ARRB1: variants seen among roughly 807,000 people sequenced by gnomAD.
ARRB1 encodes beta-arrestin-1.
ARRB1 carries 21 observed loss-of-function variants against 56.8 expected under a neutral mutation model. That is an observed-to-expected ratio of 0.37 (90% CI 0.26 to 0.53). ARRB1 has a LOEUF of 0.53. Among genes scored for constraint, ARRB1 ranks in the 20% least tolerant of loss-of-function variants. The probability of loss-of-function intolerance (pLI) is 0.88; values close to 1 mark genes in which losing one functional copy is unlikely to be tolerated. For synonymous variants in ARRB1, 210 were observed against 218.6 expected (o/e 0.96, Z 0.35); for missense variants, 424 against 553.7 (o/e 0.77, Z 2.35).
chr11:75,308,493 C>T (rs1947081238), intron 1 of ARRB1, among the ~76,000 whole-genome samples: 2 of 152,216 alleles, frequency 1.3e-5, no homozygotes. Flanking sequence ...CGCCTATAAT[C>T]CCAGCACTTT....
chr11:75,283,689 G>A (rs1011410833), intron 4 of ARRB1, among the ~76,000 whole-genome samples: 1 of 152,306 alleles, frequency 6.6e-6, no homozygotes, highest in East Asian at 1.9e-4. Flanking sequence ...AGGAGGAGGG[G>A]GCTGCCTGCT....
At chr11:75,350,678 G>A (rs1331436683) in intron 1 of ARRB1, among the ~76,000 whole-genome samples, 3 of 152,212 alleles carry the variant, frequency 2.0e-5, no homozygotes, top group Admixed American at 1.3e-4. Context: ...CCAGCCCTAG[G>A]TTCAAAACAG....
Position 75,277,436 on chromosome 11 carries a change from C to T in ARRB1, c.631G>A (p.Gly211Arg). ...TGGACGTTGACGCTGATGGGTTCTCCATGGTAATAGATCTGGGGGGCATAA... is the reference window on the plus strand; with the variant it reads ...TGGACGTTGACGCTGATGGGTTCTCTATGGTAATAGATCTGGGGGGCATAA... ...ASLDKEIYYH[G>R]EPISVNVHVT... Residue 211 changes from glycine to arginine, a missense_variant, in exon 9 of 16, where the codon GGA (glycine) becomes AGA (arginine). Coordinates refer to ENST00000420843, the MANE Select transcript of ARRB1 (RefSeq NM_004041.5). The T allele has an allele frequency of 6.2e-7, 1 of 1,614,144 alleles. No homozygotes were observed. Among genetic ancestry groups the T allele is most frequent in the Non-Finnish European group, 8.5e-7 (1 of 1,180,008 alleles).
chr11:75,292,121 T>G (rs1565120885), intron 1 of ARRB1, among the ~76,000 whole-genome samples: 1 of 129,714 alleles, frequency 7.7e-6, no homozygotes, highest in Non-Finnish European at 1.6e-5. Flanking sequence ...GCTTTTCTCC[T>G]GCTCATAAAT....
intron 1 of ARRB1, among the ~76,000 whole-genome samples, chr11:75,341,731 G>A (rs1028220142): frequency 4.6e-5 from 7 of 152,276 alleles, no homozygotes; most frequent in Admixed American, 6.5e-5. Context: ...GGGAGCCCTC[G>A]GCCTTAAAGA....
At chr11:75,282,612 T>C (rs1041677946) in intron 5 of ARRB1, among the ~76,000 whole-genome samples, 1 of 152,232 alleles carries the variant, frequency 6.6e-6, no homozygotes, top group African/African-American at 2.4e-5. Context: ...CACGCCTCCA[T>C]GGTAGCCCAC....
chr11:75,324,131 T>C (rs1947390742), intron 1 of ARRB1, among the ~76,000 whole-genome samples: 1 of 152,228 alleles, frequency 6.6e-6, no homozygotes, highest in Non-Finnish European at 1.5e-5. Flanking sequence ...TCTCTTCTCC[T>C]TGTCTAATGT....
rs544811985 is a variant in ARRB1 at position 75,281,918 on chromosome 11, G to A, written c.414+44C>T. On this transcript the variant is annotated intron_variant, in intron 6 of 15. Transcript: ENST00000420843. The stretch of plus-strand genomic sequence containing the variant: ...GAGAAAGCCAGGGACCTGGGGACAT[G>A]AGACTCCTGGAGCCAGAGAGATGGT... 9 of 1,597,192 alleles carry A rather than the reference G, an allele frequency of 5.6e-6. No individual in the cohort carries two copies. In the East Asian group the frequency reaches 1.8e-4, roughly 32 times the overall value.
rs1945795443 is a variant in ARRB1, at chr11:75,261,724, G to C, written c.*4439C>G. 1 of 152,290 alleles carries C rather than the reference G, an allele frequency of 6.6e-6. No individual in the cohort carries two copies. The highest frequency in any genetic ancestry group is 2.1e-4 in the South Asian group (1 of 4,830). 9.4% of individuals were successfully genotyped at this position (152,290 alleles called of 1,614,324 possible). On this transcript the variant is annotated 3_prime_UTR_variant, in exon 16 of 16. Transcript: ENST00000420843. ...CCCTGTGGGGAAGTGGTAGAGGTGG[G>C]GTCCTGCCACTTTCGTCCAGGAGGA...
intron 9 of ARRB1, 71 bp from the exon 10 acceptor site, chr11:75,276,982 C>T (rs370729562): frequency 8.8e-5 from 134 of 1,521,894 alleles, no homozygotes; most frequent in African/African-American, 5.7e-4. Flanking sequence ...CAGGCGTCCC[C>T]GGGTTGGGGA....
At chr11:75,312,721 G>A (rs1947189324) in intron 1 of ARRB1, among the ~76,000 whole-genome samples, 1 of 152,226 alleles carries the variant, frequency 6.6e-6, no homozygotes, top group East Asian at 1.9e-4. Context: ...GAGGGTCAGA[G>A]AGAGTAAAGG....
intron 7 of ARRB1, among the ~76,000 whole-genome samples, chr11:75,279,237 G>A (rs1565111025): frequency 6.6e-6 from 1 of 152,198 alleles, no homozygotes; most frequent in Non-Finnish European, 1.5e-5. Context: ...TATCTATTAT[G>A]TAAAACTATG....
chr11:75,333,827 G>A (rs1054330606), intron 1 of ARRB1, among the ~76,000 whole-genome samples: 1 of 152,202 alleles, frequency 6.6e-6, no homozygotes, highest in African/African-American at 2.4e-5. Context: ...AAGCACAGAA[G>A]GCAAGACATT....
intron 1 of ARRB1, among the ~76,000 whole-genome samples, chr11:75,346,556 G>C (rs551504527): frequency 6.6e-6 from 1 of 152,194 alleles, no homozygotes; most frequent in African/African-American, 2.4e-5. Context: ...ACTCCTCTCT[G>C]CCCGCTGTAG....
chr11:75,273,415 T>C (rs1348820394), intron 11 of ARRB1, among the ~76,000 whole-genome samples: 3 of 152,020 alleles, frequency 2.0e-5, no homozygotes, highest in Non-Finnish European at 4.4e-5. Flanking sequence ...TTCAGCTGGG[T>C]CTTGAAGATG....
chr11:75,278,227 C>T (rs1316381146), intron 8 of ARRB1, among the ~76,000 whole-genome samples: 1 of 152,186 alleles, frequency 6.6e-6, no homozygotes, highest in Non-Finnish European at 1.5e-5. Flanking sequence ...GGCTTGTCGC[C>T]CTGACGCTCA....
At chr11:75,294,200 G>A (rs775641679) in intron 1 of ARRB1, among the ~76,000 whole-genome samples, 3 of 152,154 alleles carry the variant, frequency 2.0e-5, no homozygotes, top group African/African-American at 7.2e-5. Flanking sequence ...AGGGTCTGTA[G>A]AGTAATGTTT....
intron 1 of ARRB1, among the ~76,000 whole-genome samples, chr11:75,343,694 G>C (rs1241068340): frequency 6.6e-6 from 1 of 152,182 alleles, no homozygotes; most frequent in Non-Finnish European, 1.5e-5. Flanking sequence ...GAGCCTAACC[G>C]CTATGCTAAT....
chr11:75,276,932 A>G lies in ARRB1; in HGVS notation c.704-21T>C, dbSNP rs1277374166. 3 of 1,612,924 alleles carry G rather than the reference A, an allele frequency of 1.9e-6. No individual in the cohort carries two copies. In the South Asian group the frequency reaches 3.3e-5, roughly 18 times the overall value. On this transcript the variant is annotated intron_variant, in intron 9 of 15. Coordinates refer to ENST00000420843, the MANE Select transcript of ARRB1 (RefSeq NM_004041.5). ...GCGCACTAGGGAGGGAGAGGAATCA[A>G]GGTGGAGTGAGTCGGGAATGTAGCT...
Sources: allele counts gnomAD v4.1 joint callset (sites outside exome capture counted in the v4.1 genomes callset), GRCh38; gene constraint gnomAD v4.1.1; transcripts MANE v1.5; gene names NCBI Gene and HGNC (gene_info 2026-07-23, HGNC 2026-07-21).